The following MAPKBP1 variants were observed in gnomAD, a reference collection of about 807,000 sequenced individuals.
The protein encoded by MAPKBP1 is mitogen-activated protein kinase-binding protein 1.
MAPKBP1 carries 71 observed loss-of-function variants against 170.5 expected under a neutral mutation model. The ratio of observed to expected loss-of-function variants is 0.42; its 90% confidence interval spans 0.34 to 0.51. The LOEUF (loss-of-function observed/expected upper bound fraction) is 0.51. MAPKBP1 is among the 20% of genes least tolerant of loss of function. The pLI, the probability that MAPKBP1 is intolerant of heterozygous loss-of-function variation, is 0.06. For missense variants in MAPKBP1, 1,598 were observed against 1,933.0 expected (o/e 0.83, Z 3.25); for synonymous variants, 719 against 757.9 (o/e 0.95, Z 0.84).
chr15:41,778,762 T>G (rs2064136066), intron 2 of MAPKBP1, among the ~76,000 whole-genome samples: 1 of 152,204 alleles, frequency 6.6e-6, no homozygotes, highest in Non-Finnish European at 1.5e-5. Context: ...CTGAAAGATT[T>G]TTATGTGGAG....
At chr15:41,810,842 T>A in intron 3 of MAPKBP1, 41 bp from the exon 4 acceptor site, 1 of 1,600,202 alleles carries the variant, frequency 6.2e-7, no homozygotes, top group South Asian at 1.1e-5. Flanking sequence ...CTGGGGGAGC[T>A]GTGGTTTGCT....
intron 3 of MAPKBP1, among the ~76,000 whole-genome samples, chr15:41,802,863 C>G (rs1393244261): frequency 2.0e-5 from 3 of 152,164 alleles, no homozygotes; most frequent in Admixed American, 1.3e-4. Context: ...CACAAACACA[C>G]ACATTAGCCT....
intron 2 of MAPKBP1, among the ~76,000 whole-genome samples, chr15:41,783,049 G>C (rs1405104379): frequency 6.6e-6 from 1 of 152,194 alleles, no homozygotes; most frequent in Non-Finnish European, 1.5e-5. Flanking sequence ...GGGTGCAGCT[G>C]TGTGGTTCCA....
chr15:41,821,377 A>G, intron 23 of MAPKBP1: 1 of 611,562 alleles, frequency 1.6e-6, no homozygotes, highest in Non-Finnish European at 2.9e-6. Context: ...TTCATCCAGA[A>G]GCTCACATCA....
intron 2 of MAPKBP1, among the ~76,000 whole-genome samples, chr15:41,784,849 C>G (rs1334231648): frequency 7.1e-6 from 1 of 140,862 alleles, no homozygotes; most frequent in Non-Finnish European, 1.5e-5. Flanking sequence ...GTTTGAGTCC[C>G]AGAGTTCAAG....
chr15:41,808,388 A>G (rs2064741901), intron 3 of MAPKBP1, among the ~76,000 whole-genome samples: 1 of 151,196 alleles, frequency 6.6e-6, no homozygotes, highest in African/African-American at 2.4e-5. Flanking sequence ...TACAGGCGTG[A>G]GCCACCACTC....
rs764867296 is a variant in MAPKBP1, at chr15:41,775,305, C to G, written c.30C>G (p.Ser10Arg). ...CTGTGGAAGGGTCAACCATTACCAG[C>G]CGGATCAAGAATCTGTTGAGATCTC... MAVEGSTIT[S>R]RIKNLLRSPS... is the part of the protein sequence containing the mutation. The change falls in exon 2 of 31, where the codon AGC becomes AGG. Residue 10 changes from serine (S) to arginine (R), a missense_variant. Coordinates refer to ENST00000457542, the MANE Select transcript of MAPKBP1 (RefSeq NM_014994.3). 7.4e-6 allele frequency: 12 copies of G among 1,613,986 alleles called. No homozygotes were observed. In the African/African-American group the frequency reaches 1.5e-4, roughly 20 times the overall value.
intron 6 of MAPKBP1, 140 bp downstream of exon 6, chr15:41,812,267 G>A: frequency 7.6e-7 from 1 of 1,308,666 alleles, no homozygotes; most frequent in Non-Finnish European, 1.1e-6. Context: ...AAGCAGAAAA[G>A]AGCAACTGTG....
At chr15:41,812,438 TCTC>T (rs1412691727) in intron 6 of MAPKBP1, 75 bp from the exon 7 acceptor site, 3 of 1,571,838 alleles carry the variant, frequency 1.9e-6, no homozygotes, top group African/African-American at 2.7e-5. Context: ...AAATTCTAAT[TCTC>T]CTCCATTCTC....
At chr15:41,805,169 G>C (rs1343145814) in intron 3 of MAPKBP1, among the ~76,000 whole-genome samples, 1 of 152,222 alleles carries the variant, frequency 6.6e-6, no homozygotes, top group African/African-American at 2.4e-5. Flanking sequence ...AACAGCACAG[G>C]AAAGGAGGGT....
At chr15:41,801,518 C>G (rs568755798) in intron 3 of MAPKBP1, among the ~76,000 whole-genome samples, 2 of 152,212 alleles carry the variant, frequency 1.3e-5, no homozygotes, top group East Asian at 3.9e-4. Context: ...ATACTAGATA[C>G]ATGATTTGCT....
chr15:41,812,948 C>T lies in MAPKBP1; in HGVS notation c.666C>T (p.Arg222=), dbSNP rs144767472. 276 of 1,610,034 alleles carry T rather than the reference C, an allele frequency of 1.7e-4. No homozygotes were observed. Among genetic ancestry groups the T allele is most frequent in the Admixed American group, 4.5e-4 (27 of 59,644 alleles). The part of the protein sequence containing the change: ...KVNATVPLLG[R]SGLLGELRNN... Reference sequence around the variant, plus strand: ...ATGCCACTGTGCCCTTGCTGGGCCGCTCAGGGCTGCTGGGAGAGCTACGGA... The same window carrying T: ...ATGCCACTGTGCCCTTGCTGGGCCGTTCAGGGCTGCTGGGAGAGCTACGGA... The change falls in exon 8 of 31, where the codon CGC becomes CGT. Residue 222 remains arginine, a synonymous_variant. Transcript: ENST00000457542.
chr15:41,786,404 A>G (rs2064287850), intron 2 of MAPKBP1, among the ~76,000 whole-genome samples: 2 of 152,178 alleles, frequency 1.3e-5, no homozygotes, highest in Non-Finnish European at 1.5e-5. Context: ...TAAATCTAAG[A>G]TGTTTAAAAT....
Position 41,821,094 on chromosome 15 carries a change from T to C in MAPKBP1, c.2718+26T>C, listed in dbSNP as rs747738096. ...GTGAGCCTGCTTTCTCCCAGCTCTC[T>C]AGAGAGTTCCAAGGGGCCTTAGGCA... On this transcript the variant is annotated intron_variant, in intron 23 of 30. Coordinates refer to ENST00000457542, the MANE Select transcript of MAPKBP1 (RefSeq NM_014994.3). The C allele has an allele frequency of 4.4e-6, 7 of 1,608,336 alleles. No individual in the cohort carries two copies. In the South Asian group the frequency reaches 7.7e-5, roughly 18 times the overall value.
At chr15:41,799,037 T>G (rs566827470) in intron 2 of MAPKBP1, among the ~76,000 whole-genome samples, 1 of 152,192 alleles carries the variant, frequency 6.6e-6, no homozygotes, top group South Asian at 2.1e-4. Context: ...ACCAATGAAT[T>G]AATTTGAGGT....
At chr15:41,803,923 C>T (rs1436547791) in intron 3 of MAPKBP1, among the ~76,000 whole-genome samples, 2 of 152,086 alleles carry the variant, frequency 1.3e-5, no homozygotes, top group African/African-American at 4.8e-5. Flanking sequence ...TCACCGCAAC[C>T]TCCGCCTCCT....
At chr15:41,779,207 G>A (rs2064143044) in intron 2 of MAPKBP1, among the ~76,000 whole-genome samples, 1 of 152,006 alleles carries the variant, frequency 6.6e-6, no homozygotes, top group Non-Finnish European at 1.5e-5. Flanking sequence ...TTTGGTATTG[G>A]GGAAACATAC....
Position 41,827,853 on chromosome 15 carries a change from T to C in MAPKBP1, c.*2417T>C, listed in dbSNP as rs2065144937. 2 of 433,650 alleles carry C rather than the reference T, an allele frequency of 4.6e-6. No homozygotes were observed. The highest frequency in any genetic ancestry group is 4.1e-5 in the African/African-American group (2 of 48,288). 26.9% of individuals were successfully genotyped at this position (433,650 alleles called of 1,614,324 possible). A position where few individuals can be genotyped will look rare whatever the true frequency, so the allele number is the denominator to read the frequency against. On this transcript the variant is annotated 3_prime_UTR_variant, in exon 31 of 31. Coordinates refer to ENST00000457542, the MANE Select transcript of MAPKBP1 (RefSeq NM_014994.3). ...CTTGTCAATAAACACAATTGTTTGTTAACCCTGGGATGCCGGCCAGTGGGG... is the reference window on the plus strand; with the variant it reads ...CTTGTCAATAAACACAATTGTTTGTCAACCCTGGGATGCCGGCCAGTGGGG...
chr15:41,781,125 A>C (rs529344799), intron 2 of MAPKBP1, among the ~76,000 whole-genome samples: 1 of 149,830 alleles, frequency 6.7e-6, no homozygotes, highest in South Asian at 2.1e-4. Context: ...ACCTAGGCTG[A>C]AGTGCAGTGG....
Sources: allele counts gnomAD v4.1 joint callset (sites outside exome capture counted in the v4.1 genomes callset), GRCh38; gene constraint gnomAD v4.1.1; transcripts MANE v1.5; gene names NCBI Gene and HGNC (gene_info 2026-07-23, HGNC 2026-07-21).